NELL1: variants seen among roughly 807,000 people sequenced by gnomAD.
NELL1 encodes the protein protein kinase C-binding protein NELL1.
In NELL1, 76 loss-of-function variants were observed where a neutral mutation model predicts 107.4. The ratio of observed to expected loss-of-function variants is 0.71; its 90% confidence interval spans 0.59 to 0.86. The LOEUF is 0.86. NELL1 is among the 40% of genes least tolerant of loss of function. The pLI is 0.00. For missense variants in NELL1, 1,024 were observed against 1,005.5 expected, an observed-to-expected ratio of 1.02 and a Z score of -0.25; for synonymous variants, 353 against 341.2, an observed-to-expected ratio of 1.03 and a Z score of -0.38.
At chr11:20,762,644 G>C (rs149714596) in intron 2 of NELL1, among the ~76,000 whole-genome samples, 1 of 152,166 alleles carries the variant, frequency 6.6e-6, no homozygotes, top group Non-Finnish European at 1.5e-5. Flanking sequence ...GACTCCATGC[G>C]TATGGTGAAT....
chr11:20,972,523 G>A (rs745653711), intron 12 of NELL1, among the ~76,000 whole-genome samples: 9 of 152,144 alleles, frequency 5.9e-5, no homozygotes, highest in Admixed American at 1.3e-4. Flanking sequence ...CGTAGCATGA[G>A]ATAGAATTAG....
At position 21,144,491 on chromosome 11, in the gene NELL1, G is replaced by A. The variant is rs145027566; in HGVS notation, c.1426+30777G>A. 2.8e-3 allele frequency among the ~76,000 whole-genome samples: 419 copies of A among 152,232 alleles called. 3 individuals are homozygous for A. Among genetic ancestry groups the A allele is most frequent in the Non-Finnish European group, 4.8e-3 (324 of 68,016 alleles). ...AAGCTTTAGGTTTTCAAATTTGTCC[G>A]TAATAGAGAGAGAGAGGAAGAGACA... is the stretch of plus-strand genomic sequence containing the variant. On this transcript the variant is annotated intron_variant, in intron 13 of 19. Transcript: ENST00000357134.
rs532658635 is a variant in NELL1 at position 21,203,309 on chromosome 11, A to G, written c.1427-26023A>G. On this transcript the variant is annotated intron_variant, in intron 13 of 19. Transcript: ENST00000357134. The stretch of plus-strand genomic sequence containing the variant: ...GCTTTTTGAATCTGGGTGCTCCTGT[A>G]TTGAGTGCATATATATTTAGGAAAG... Among the ~76,000 whole-genome samples, 4 of 151,914 alleles carry G rather than the reference A, an allele frequency of 2.6e-5. No homozygotes were observed. The East Asian group carries it at 5.8e-4, about 22-fold the overall frequency.
intron 13 of NELL1, among the ~76,000 whole-genome samples, chr11:21,127,061 G>T (rs1855502319): frequency 6.6e-6 from 1 of 152,076 alleles, no homozygotes; most frequent in Non-Finnish European, 1.5e-5. Context: ...AGTTCTGCTG[G>T]CTGGCATCTA....
At chr11:21,269,606 T>G (rs1048716761) in intron 14 of NELL1, among the ~76,000 whole-genome samples, 2 of 151,926 alleles carry the variant, frequency 1.3e-5, no homozygotes, top group Non-Finnish European at 2.9e-5. Context: ...CCTTCAAAAG[T>G]AGAGGAGACA....
chr11:21,491,727 C>A (rs1252914587), intron 15 of NELL1, among the ~76,000 whole-genome samples: 1 of 152,038 alleles, frequency 6.6e-6, no homozygotes, highest in Non-Finnish European at 1.5e-5. Flanking sequence ...TTTTCCAATT[C>A]TCTGAAGAAA....
chr11:20,722,017 C>CTATTTTTTTTTTT lies in NELL1; in HGVS notation c.184+43958_184+43959insATTTTTTTTTTTT, dbSNP rs1564879666. Among the ~76,000 whole-genome samples, 2 of 138,514 alleles carry CTATTTTTTTTTTT rather than the reference C, an allele frequency of 1.4e-5. 1 individual carries two copies. The highest frequency in any genetic ancestry group is 3.2e-5 in the Non-Finnish European group (2 of 63,106). The allele number at this position is 138,514 out of a possible 152,430, so 90.9% of individuals were successfully genotyped here. A position where few individuals can be genotyped will look rare whatever the true frequency, so the allele number is the denominator to read the frequency against. ...CATGTTACTTGACCTTTCTGAGTCT[C>CTATTTTTTTTTTT]TCTTTTTTTTTTTTTTTTTTTGAGA... is the stretch of plus-strand genomic sequence containing the variant. On this transcript the variant is annotated intron_variant, in intron 2 of 19. Transcript: ENST00000357134.
intron 4 of NELL1, among the ~76,000 whole-genome samples, chr11:20,881,497 G>C (rs1849406432): frequency 6.6e-6 from 1 of 152,134 alleles, no homozygotes; most frequent in Non-Finnish European, 1.5e-5. Flanking sequence ...ATTTGACCTT[G>C]CTAAGCCAAG....
At chr11:20,695,023 T>A (rs1854578482) in intron 2 of NELL1, among the ~76,000 whole-genome samples, 1 of 152,048 alleles carries the variant, frequency 6.6e-6, no homozygotes, top group Non-Finnish European at 1.5e-5. Context: ...TTGTTAGGTG[T>A]GTTTCTAGGT....
rs577713764 is a variant in NELL1, at chr11:20,919,280, C to A, written c.705C>A (p.Ser235Arg). Residue 235 changes from serine to arginine, a missense_variant, in exon 7 of 20, where the codon AGC (serine) becomes AGA (arginine). Physicochemically the swap from Ser to Arg is moderately radical, Grantham distance 110 (BLOSUM62 -1). Coordinates refer to ENST00000357134, the MANE Select transcript of NELL1 (RefSeq NM_006157.5). ...GCCCAACCTGCAGTGATTTCTTAAGCCTGGTGCAAGGAATAATGGATTTAC... is the reference window on the plus strand; with the variant it reads ...GCCCAACCTGCAGTGATTTCTTAAGACTGGTGCAAGGAATAATGGATTTAC... ...HTCPTCSDFLSLVQGIMDLQE... is the reference protein window; with the variant it reads ...HTCPTCSDFLRLVQGIMDLQE... The A allele has an allele frequency of 1.2e-6, 2 of 1,604,462 alleles. No individual in the cohort carries two copies. Among genetic ancestry groups the A allele is most frequent in the South Asian group, 2.2e-5 (2 of 89,316 alleles).
At chr11:20,676,408 C>T (rs1854058196) in intron 1 of NELL1, among the ~76,000 whole-genome samples, 1 of 152,100 alleles carries the variant, frequency 6.6e-6, no homozygotes, top group Admixed American at 6.5e-5. Flanking sequence ...AGTAAGCACT[C>T]AGTAATACCT....
chr11:21,395,716 C>G (rs1197060507), intron 15 of NELL1, among the ~76,000 whole-genome samples: 2 of 151,042 alleles, frequency 1.3e-5, no homozygotes, highest in African/African-American at 4.9e-5. Context: ...GAGTGTAGAA[C>G]CTTGAGAAAC....
chr11:21,274,050 C>T (rs897170764), intron 14 of NELL1, among the ~76,000 whole-genome samples: 29 of 152,214 alleles, frequency 1.9e-4, no homozygotes, highest in South Asian at 1.5e-3. Context: ...TCACACATAA[C>T]GATATTAACC....
intron 12 of NELL1, among the ~76,000 whole-genome samples, chr11:21,076,387 T>A (rs1854136839): frequency 6.6e-6 from 1 of 152,084 alleles, no homozygotes; most frequent in African/African-American, 2.4e-5. Flanking sequence ...TCACACACAG[T>A]GGTGGAGGCA....
At chr11:20,789,766 C>A (rs1045990376) in intron 3 of NELL1, among the ~76,000 whole-genome samples, 1 of 152,208 alleles carries the variant, frequency 6.6e-6, no homozygotes, top group African/African-American at 2.4e-5. Context: ...CAGGGTGTCC[C>A]AACAGGTGTT....
intron 2 of NELL1, among the ~76,000 whole-genome samples, chr11:20,721,234 T>TTATA (rs140608526): frequency 0.097 from 13,391 of 138,670 alleles, 695 homozygotes; most frequent in Middle Eastern, 0.13. Flanking sequence ...TATATTTTGT[T>TTATA]TATATATATA....
chr11:21,406,240 C>T (rs1852232498), intron 15 of NELL1, among the ~76,000 whole-genome samples: 1 of 151,960 alleles, frequency 6.6e-6, no homozygotes, highest in Non-Finnish European at 1.5e-5. Flanking sequence ...GTTCTTCAGT[C>T]ACTTGCTTTT....
At chr11:21,053,944 G>A (rs1008095296) in intron 12 of NELL1, among the ~76,000 whole-genome samples, 1 of 152,150 alleles carries the variant, frequency 6.6e-6, no homozygotes, top group Non-Finnish European at 1.5e-5. Flanking sequence ...CAGCAATAAA[G>A]AACTTAGTTT....
At chr11:21,536,211 A>G (rs770756567) in intron 16 of NELL1, among the ~76,000 whole-genome samples, 1 of 152,162 alleles carries the variant, frequency 6.6e-6, no homozygotes. Context: ...TCACCAAGGT[A>G]GTGAGCATAG....
Sources: gnomAD v4.1 joint callset for allele counts (sites outside exome capture counted in the v4.1 genomes callset) on GRCh38, gnomAD v4.1.1 for gene constraint, MANE v1.5 for transcripts, NCBI Gene and HGNC (gene_info 2026-07-23, HGNC 2026-07-21) for gene names.